The following CCDC102B variants were observed in gnomAD, a reference collection of about 807,000 sequenced individuals.
The protein encoded by CCDC102B is coiled-coil domain containing 102B.
CCDC102B carries 75 observed loss-of-function variants against 57.4 expected under a neutral mutation model. The observed-to-expected ratio is 1.31, with a 90% CI of 1.08 to 1.58. The LOEUF is 1.58. CCDC102B is among the 40% of genes most tolerant of loss of function. The pLI, the probability that CCDC102B is intolerant of heterozygous loss-of-function variation, is 0.00. For missense variants in CCDC102B, 636 were observed against 582.6 expected (o/e 1.09, Z -0.94); for synonymous variants, 206 against 201.9 (o/e 1.02, Z -0.17).
At chr18:68,756,195 A>C (rs1449774163) in intron 2 of CCDC102B, among the ~76,000 whole-genome samples, 2 of 151,958 alleles carry the variant, frequency 1.3e-5, no homozygotes, top group African/African-American at 4.8e-5. Context: ...ATGAGAAATC[A>C]AAAATGAAGA....
At chr18:68,782,106 A>G (rs1039438521) in intron 2 of CCDC102B, among the ~76,000 whole-genome samples, 2 of 152,146 alleles carry the variant, frequency 1.3e-5, no homozygotes, top group African/African-American at 4.8e-5. Flanking sequence ...TGCCCTATCA[A>G]ATACATTATC....
chr18:68,790,478 C>T (rs28450189), intron 2 of CCDC102B, among the ~76,000 whole-genome samples: 5 of 151,832 alleles, frequency 3.3e-5, no homozygotes, highest in South Asian at 4.2e-4. Flanking sequence ...TAGCAATCAG[C>T]GAGACTCCGA....
chr18:68,760,641 A>C (rs1051157710), intron 2 of CCDC102B, among the ~76,000 whole-genome samples: 1 of 152,186 alleles, frequency 6.6e-6, no homozygotes, highest in East Asian at 1.9e-4. Flanking sequence ...TCACATTGTC[A>C]CTATAAAAGC....
At chr18:68,738,107 G>T (rs497162) in intron 2 of CCDC102B, among the ~76,000 whole-genome samples, 2 of 152,178 alleles carry the variant, frequency 1.3e-5, no homozygotes, top group Non-Finnish European at 2.9e-5. Context: ...ATGACTCCCT[G>T]TATCTACAAA....
chr18:68,880,955 T>A (rs576923310), intron 5 of CCDC102B, among the ~76,000 whole-genome samples: 165 of 152,360 alleles, frequency 1.1e-3, no homozygotes, highest in African/African-American at 3.9e-3. Context: ...TCTGTGTAGT[T>A]AGCAATGACT....
intron 6 of CCDC102B, among the ~76,000 whole-genome samples, chr18:68,979,119 G>A (rs2050511180): frequency 6.6e-6 from 1 of 151,966 alleles, no homozygotes; most frequent in Admixed American, 6.6e-5. Context: ...CTAAGTGGGA[G>A]GTGGGTCCGC....
intron 2 of CCDC102B, among the ~76,000 whole-genome samples, chr18:68,747,440 G>A (rs1299442910): frequency 6.6e-6 from 1 of 152,020 alleles, no homozygotes; most frequent in Non-Finnish European, 1.5e-5. Flanking sequence ...GTTAGCTGCA[G>A]GCATGGTGTT....
chr18:68,952,917 T>C (rs1218533277), intron 6 of CCDC102B, among the ~76,000 whole-genome samples: 2 of 152,132 alleles, frequency 1.3e-5, no homozygotes, highest in Non-Finnish European at 2.9e-5. Context: ...TGTACATGTA[T>C]ACTACACACA....
intron 6 of CCDC102B, among the ~76,000 whole-genome samples, chr18:68,932,907 A>G (rs1350206750): frequency 6.6e-6 from 1 of 151,912 alleles, no homozygotes; most frequent in Non-Finnish European, 1.5e-5. Context: ...TAACACAAAT[A>G]AAATGTAATG....
At chr18:68,877,191 G>A (rs1030839553) in intron 5 of CCDC102B, among the ~76,000 whole-genome samples, 1 of 152,130 alleles carries the variant, frequency 6.6e-6, no homozygotes, top group East Asian at 1.9e-4. Flanking sequence ...CCTCCTTTAA[G>A]TTTCTTACTG....
chr18:68,977,553 C>A (rs570703758), intron 6 of CCDC102B, among the ~76,000 whole-genome samples: 5 of 149,468 alleles, frequency 3.3e-5, no homozygotes, highest in Middle Eastern at 3.2e-3. Flanking sequence ...TAAACTATAG[C>A]ACTAAAAAAA....
chr18:68,754,051 A>G (rs1266283283), intron 2 of CCDC102B: 1 of 152,172 alleles, frequency 6.6e-6, no homozygotes, highest in Non-Finnish European at 1.5e-5. Context: ...TTTGATTGTA[A>G]TCAATCTATC....
intron 7 of CCDC102B, among the ~76,000 whole-genome samples, chr18:69,036,908 C>T (rs556531647): frequency 2.0e-5 from 3 of 151,960 alleles, no homozygotes; most frequent in Non-Finnish European, 4.4e-5. Context: ...CAGTACACAT[C>T]CTCGATTGAA....
intron 7 of CCDC102B, among the ~76,000 whole-genome samples, chr18:69,050,505 T>C (rs1236627802): frequency 6.6e-6 from 1 of 152,222 alleles, no homozygotes; most frequent in Non-Finnish European, 1.5e-5. Context: ...GCAGTACCCA[T>C]AATTACATTT....
intron 7 of CCDC102B, among the ~76,000 whole-genome samples, chr18:69,042,759 G>A (rs1728618425): frequency 6.6e-6 from 1 of 151,794 alleles, no homozygotes; most frequent in African/African-American, 2.4e-5. Context: ...AATATGACAA[G>A]TAATATTTAT....
At chr18:68,994,476 G>A (rs8089519) in intron 6 of CCDC102B, among the ~76,000 whole-genome samples, 130,335 of 151,756 alleles carry the variant, frequency 0.86, 57,881 homozygotes, top group Non-Finnish European at 0.97. Context: ...TGTAATCCTC[G>A]TGATCCCTAT....
At chr18:68,986,764 G>A (rs1313873853) in intron 6 of CCDC102B, among the ~76,000 whole-genome samples, 6 of 151,904 alleles carry the variant, frequency 3.9e-5, no homozygotes, top group Non-Finnish European at 8.8e-5. Context: ...AAAGTCAGTG[G>A]CATTTCTATA....
At chr18:68,914,659 A>G (rs1599683099) in intron 6 of CCDC102B, among the ~76,000 whole-genome samples, 1 of 152,116 alleles carries the variant, frequency 6.6e-6, no homozygotes, top group Non-Finnish European at 1.5e-5. Flanking sequence ...CACCACTACT[A>G]TCTCCGACCT....
At chr18:69,020,172 G>A (rs1307438338) in intron 7 of CCDC102B, among the ~76,000 whole-genome samples, 6 of 152,028 alleles carry the variant, frequency 3.9e-5, no homozygotes, top group Non-Finnish European at 8.8e-5. Context: ...ATATAAATCG[G>A]TTTGACTAGC....
Sources: allele counts gnomAD v4.1 joint callset (sites outside exome capture counted in the v4.1 genomes callset), GRCh38; gene constraint gnomAD v4.1.1; transcripts MANE v1.5; gene names NCBI Gene and HGNC (gene_info 2026-07-23, HGNC 2026-07-21).